CHTF18: variants seen among roughly 807,000 people sequenced by gnomAD.
The protein encoded by CHTF18 is chromosome transmission fidelity factor 18.
A neutral mutation model predicts 113.4 loss-of-function variants in CHTF18; 151 were observed. The ratio of observed to expected loss-of-function variants is 1.33; its 90% CI spans 1.17 to 1.52. The LOEUF (loss-of-function observed/expected upper bound fraction) is 1.52, where lower values mean the gene tolerates loss of function less well. Ranked by LOEUF, CHTF18 falls within the 40% of genes most tolerant of loss-of-function variation. The pLI is 0.00. For missense variants in CHTF18, 1,982 were observed against 1,381.6 expected, an observed-to-expected ratio of 1.43 and a Z score of -6.89; for synonymous variants, 916 against 598.8, an observed-to-expected ratio of 1.53 and a Z score of -7.74.
chr16:791,969 C>G lies in CHTF18; in HGVS notation c.1202+21C>G, dbSNP rs368440542. On this transcript the variant is annotated intron_variant, in intron 9 of 21. Transcript: ENST00000262315. ...GCCAGGTGAGTGATGTGAGGTCCGT[C>G]TCTGGCTCGCCTTCTGTCCTGACGT... The G allele has an allele frequency of 3.1e-6, 5 of 1,592,408 alleles. No individual in the cohort carries two copies. In the African/African-American group the frequency reaches 5.4e-5, roughly 17 times the overall value.
Position 798,059 on chromosome 16 carries a change from C to T in CHTF18, c.*84C>T. On this transcript the variant is annotated 3_prime_UTR_variant, in exon 22 of 22. Transcript: ENST00000262315. Reference sequence around the variant, plus strand: ...CTGGAGATGTCTTTATAAAGTCACACCTTTACAGACTGTAATCACGTGCGA... The same window carrying T: ...CTGGAGATGTCTTTATAAAGTCACATCTTTACAGACTGTAATCACGTGCGA... The T allele has an allele frequency of 6.7e-7, 1 of 1,500,290 alleles. No individual in the cohort carries two copies. Among genetic ancestry groups the T allele is most frequent in the Non-Finnish European group, 9.0e-7 (1 of 1,113,162 alleles). The allele number at this position is 1,500,290 out of a possible 1,614,324, so 92.9% of individuals were successfully genotyped here. A position where few individuals can be genotyped will look rare whatever the true frequency, so the allele number is the denominator to read the frequency against.
At chr16:793,101 G>GGTGGT in intron 13 of CHTF18, 37 bp downstream of exon 13, 1 of 1,569,896 alleles carries the variant, frequency 6.4e-7, no homozygotes, top group Non-Finnish European at 8.6e-7. Context: ...GGTGGGGTGG[G>GGTGGT]GTCAGGAGTT....
intron 15 of CHTF18, chr16:794,845 G>A: frequency 2.2e-6 from 1 of 463,852 alleles, no homozygotes; most frequent in Non-Finnish European, 3.9e-6. Context: ...AGGCCTCCTG[G>A]TGGGTCACCC....
chr16:796,580 C>A (rs548971121), intron 18 of CHTF18, 137 bp from the exon 19 acceptor site: 1 of 1,029,914 alleles, frequency 9.7e-7, no homozygotes, highest in Non-Finnish European at 1.4e-6. Flanking sequence ...GGTTGGGGTG[C>A]GGTGGCACCA....
rs755389605 is a variant in CHTF18 at position 791,090 on chromosome 16, G to A, written c.895-71G>A. ...CATCCCATGGGGCATGGGGCTCATGGTGGCAGGTGGACTGTCCGTGCCTGG... is the reference window on the plus strand; with the variant it reads ...CATCCCATGGGGCATGGGGCTCATGATGGCAGGTGGACTGTCCGTGCCTGG... On this transcript the variant is annotated intron_variant, in intron 7 of 21. Transcript: ENST00000262315. 2.3e-5 allele frequency: 36 copies of A among 1,536,756 alleles called. No homozygotes were observed. The East Asian group carries it at 8.7e-4, about 37-fold the overall frequency.
Position 796,807 on chromosome 16 carries a change from G to A in CHTF18, c.2547G>A (p.Glu849=). ...AGCAGCTCATCGCCCGCGAGATCGA[G>A]GTGGAGAAGATGCGGCGGGCGGAGG... ...QTKQLIAREI[E]VEKMRRAEAS... Residue 849 remains glutamate, a synonymous_variant, in exon 19 of 22, where the codon GAG becomes GAA. Coordinates refer to ENST00000262315, the MANE Select transcript of CHTF18 (RefSeq NM_022092.3). 3 of 1,611,702 alleles carry A rather than the reference G, an allele frequency of 1.9e-6. No homozygotes were observed. The highest frequency in any genetic ancestry group is 2.5e-6 in the Non-Finnish European group (3 of 1,179,612).
At chr16:792,144 A>G in intron 9 of CHTF18, 80 bp from the exon 10 acceptor site, 1 of 1,525,880 alleles carries the variant, frequency 6.6e-7, no homozygotes. Flanking sequence ...TCTCCACGCA[A>G]ATGCGGCAGC....
chr16:795,845 TC>T lies in CHTF18; in HGVS notation c.2325+15del. 1 of 1,608,012 alleles carries T rather than the reference TC, an allele frequency of 6.2e-7. No individual in the cohort carries two copies. The highest frequency in any genetic ancestry group is 2.2e-5 in the East Asian group (1 of 44,568). ...CCCAAGCTCCGCCCCGTGAGTGCCGTCCCCGGGGTGGGGGATTCCCCGCCTG... is the reference window on the plus strand; with the variant it reads ...CCCAAGCTCCGCCCCGTGAGTGCCGTCCCGGGGTGGGGGATTCCCCGCCTG... On this transcript the variant is annotated intron_variant, in intron 17 of 21. Transcript: ENST00000262315.
intron 13 of CHTF18, 38 bp downstream of exon 13, chr16:793,102 G>A (rs1596760176): frequency 6.4e-7 from 1 of 1,570,264 alleles, no homozygotes; most frequent in Admixed American, 1.8e-5. Context: ...GTGGGGTGGG[G>A]TCAGGAGTTG....
chr16:797,980 C>T lies in CHTF18; in HGVS notation c.*5C>T, dbSNP rs3197381. ...TACATCAGGGACTTGCTCTAGTTCT[C>T]TGAGCCGCGGACATGCCCTCGCATT... is the stretch of plus-strand genomic sequence containing the variant. On this transcript the variant is annotated 3_prime_UTR_variant, in exon 22 of 22. Transcript: ENST00000262315. 2.5e-6 allele frequency: 4 copies of T among 1,608,648 alleles called. No individual in the cohort carries two copies. The highest frequency in any genetic ancestry group is 2.2e-5 in the East Asian group (1 of 44,790).
chr16:790,827 C>T lies in CHTF18; in HGVS notation c.894+161C>T, dbSNP rs572880751. On this transcript the variant is annotated intron_variant, in intron 7 of 21. Coordinates refer to ENST00000262315, the MANE Select transcript of CHTF18 (RefSeq NM_022092.3). ...TGTAGGTGGTGAACTGAGCACAGGGCTGTGTGCTACTGGTCCCCTGTGACC... is the reference window on the plus strand; with the variant it reads ...TGTAGGTGGTGAACTGAGCACAGGGTTGTGTGCTACTGGTCCCCTGTGACC... 4.5e-5 allele frequency: 64 copies of T among 1,432,468 alleles called. 1 individual carries two copies. The African/African-American group carries it at 7.9e-4, about 18-fold the overall frequency. 88.7% of individuals were successfully genotyped at this position (1,432,468 alleles called of 1,614,324 possible).
At chr16:797,626 T>A (rs2042390661) in intron 20 of CHTF18, 68 bp from the exon 21 acceptor site, 7 of 1,560,278 alleles carry the variant, frequency 4.5e-6, no homozygotes, top group Non-Finnish European at 6.2e-6. Flanking sequence ...CTCTCGGTCC[T>A]CCTGTCTTGG....
Position 789,138 on chromosome 16 carries a change from C to T in CHTF18, c.286+13C>T, listed in dbSNP as rs768849171. ...TCCCTGCCCCACGGTAGGTTGGCGG[C>T]ATTGCCCCAGGGCCTCCGGAGTGGG... On this transcript the variant is annotated intron_variant, in intron 2 of 21. Transcript: ENST00000262315. The T allele has an allele frequency of 1.0e-5, 16 of 1,547,138 alleles. No homozygotes were observed. Among genetic ancestry groups the T allele is most frequent in the Middle Eastern group, 1.8e-4 (1 of 5,580 alleles).
chr16:791,797 G>T lies in CHTF18; in HGVS notation c.1105-54G>T, dbSNP rs764844967. On this transcript the variant is annotated intron_variant, in intron 8 of 21. Coordinates refer to ENST00000262315, the MANE Select transcript of CHTF18 (RefSeq NM_022092.3). The stretch of plus-strand genomic sequence containing the variant: ...TGTGGCAGTCCCTGGCTGCTAGGCC[G>T]GGAGCGTCCTGTAGGTGCGGTGCAC... 7.1e-5 allele frequency: 110 copies of T among 1,543,820 alleles called. 4 individuals are homozygous for T. Among genetic ancestry groups the T allele is most frequent in the South Asian group, 3.6e-4 (30 of 83,592 alleles).
rs774445198 is a variant in CHTF18 at position 792,589 on chromosome 16, C to T, written c.1477C>T (p.Gln493Ter). 6 of 1,595,502 alleles carry T rather than the reference C, an allele frequency of 3.8e-6. No individual in the cohort carries two copies. The East Asian group carries it at 8.9e-5, about 24-fold the overall frequency. ...GCCCATTATCTGCATTTGCAATGAC[C>T]AGTGAGTGCATGGGCGGGCGCCACA... is the stretch of plus-strand genomic sequence containing the variant. ...MRPIICICND[Q>*]FAPSLRQLKQ... The change falls in exon 11 of 22, where the codon CAG becomes TAG. Residue 493 changes from glutamine to a stop codon, truncating the protein, a stop_gained and splice_region_variant. Coordinates refer to ENST00000262315, the MANE Select transcript of CHTF18 (RefSeq NM_022092.3). LOFTEE classifies it high-confidence loss of function.
In CHTF18 at chr16:794,120, C is replaced by T; in HGVS notation, c.1869C>T (p.Gly623=). 1 of 1,612,430 alleles carries T rather than the reference C, an allele frequency of 6.2e-7. No individual in the cohort carries two copies. Among genetic ancestry groups the T allele is most frequent in the Non-Finnish European group, 8.5e-7 (1 of 1,179,756 alleles). The part of the protein sequence containing the change: ...DTLLLGDGDA[G]SLTSASQRFY... ...TCCTGCTGGGTGACGGGGACGCGGG[C>T]TCCCTCACCTCCGCCTCACAGCGAT... Residue 623 remains glycine (G), a synonymous_variant, in exon 15 of 22, where the codon GGC becomes GGT. Transcript: ENST00000262315.
chr16:796,688 C>T lies in CHTF18; in HGVS notation c.2457-29C>T, dbSNP rs377453382. 1.4e-3 allele frequency: 2,214 copies of T among 1,561,860 alleles called. 2 individuals are homozygous for T. Among genetic ancestry groups the T allele is most frequent in the Non-Finnish European group, 1.8e-3 (2,134 of 1,158,232 alleles). On this transcript the variant is annotated intron_variant, in intron 18 of 21. Transcript: ENST00000262315. ...TGGCCCTGAGCCTGGCCCCGCTGACCTGCCCTGGTGTCCCCCTGTGCTGAG... is the reference window on the plus strand; with the variant it reads ...TGGCCCTGAGCCTGGCCCCGCTGACTTGCCCTGGTGTCCCCCTGTGCTGAG...
At chr16:789,474 C>T (rs1170244600) in intron 3 of CHTF18, 73 bp from the exon 4 acceptor site, 37 of 1,537,994 alleles carry the variant, frequency 2.4e-5, no homozygotes, top group Non-Finnish European at 3.1e-5. Flanking sequence ...TGGCTGAGAG[C>T]AGTCTCGGAC....
Position 789,679 on chromosome 16 carries a change from G to T in CHTF18, c.570G>T (p.Leu190=), listed in dbSNP as rs1178267638. 6.2e-7 allele frequency: 1 copy of T among 1,600,700 alleles called. No individual in the cohort carries two copies. ...VTSTEGVRAY[L]VLRADPMAPG... Reference sequence around the variant, plus strand: ...CCACGGAGGGCGTCCGGGCTTATCTGGTGCTGCGTGCTGACCCCATGGCCC... The same window carrying T: ...CCACGGAGGGCGTCCGGGCTTATCTTGTGCTGCGTGCTGACCCCATGGCCC... The change falls in exon 4 of 22, where the codon CTG becomes CTT. Residue 190 remains leucine (L), a synonymous_variant. Coordinates refer to ENST00000262315, the MANE Select transcript of CHTF18 (RefSeq NM_022092.3).
Sources: gnomAD v4.1 joint callset for allele counts on GRCh38, gnomAD v4.1.1 for gene constraint, MANE v1.5 for transcripts, NCBI Gene and HGNC (gene_info 2026-07-23, HGNC 2026-07-21) for gene names.